OPN1LW: variants seen among roughly 807,000 people sequenced by gnomAD.
The protein encoded by OPN1LW is opsin 1, long wave sensitive, also known as long-wave-sensitive opsin 1.
Under a neutral mutation model 18.1 loss-of-function variants are expected in OPN1LW, and 4 were observed. The observed-to-expected ratio is 0.22, with a 90% CI of 0.11 to 0.51. The LOEUF (loss-of-function observed/expected upper bound fraction) is 0.51, where lower values mean the gene tolerates loss of function less well. Ranked by LOEUF, OPN1LW falls within the 20% of genes least tolerant of loss-of-function variation. OPN1LW has a pLI of 0.97. For missense variants in OPN1LW, 164 were observed against 234.9 expected, an observed-to-expected ratio of 0.70 and a Z score of 1.97; for synonymous variants, 86 against 101.2, an observed-to-expected ratio of 0.85 and a Z score of 0.90.
intron 1 of OPN1LW, 68 bp from the exon 2 acceptor site, chrX:154,150,588 A>T: frequency 8.9e-7 from 1 of 1,121,813 alleles, no homozygotes. Flanking sequence ...GAGAGGTGGG[A>T]TCAGCACTGG....
Position 154,150,942 on chromosome X carries a change from C to T in OPN1LW, c.399C>T (p.Val133=). The change falls in exon 2 of 6, where the codon GTC becomes GTT. Residue 133 remains valine (V), a synonymous_variant. Coordinates refer to ENST00000369951, the MANE Select transcript of OPN1LW (RefSeq NM_020061.6). ...HPMCVLEGYT[V]SLCGITGLWS... is the part of the protein sequence containing the mutation. ...TGTGTGTCCTGGAGGGCTACACCGT[C>T]TCCCTGTGTGGTAAGCCAGTCGGGG... 8.4e-7 allele frequency: 1 copy of T among 1,192,600 alleles called. No homozygotes were observed. The highest frequency in any genetic ancestry group is 1.1e-6 in the Non-Finnish European group (1 of 887,662).
intron 1 of OPN1LW, among the ~76,000 whole-genome samples, chrX:154,149,246 G>A (rs1475124669): frequency 7.9e-5 from 8 of 100,755 alleles, no homozygotes; most frequent in Non-Finnish European, 1.5e-4. Flanking sequence ...TAAATTACCA[G>A]GCTGTGCATG....
Position 154,150,803 on chromosome X carries a change from C to T in OPN1LW, c.260C>T (p.Pro87Leu), listed in dbSNP as rs1186876810. The T allele has an allele frequency of 3.3e-6, 4 of 1,199,405 alleles. No homozygotes were observed. The highest frequency in any genetic ancestry group is 3.4e-6 in the Non-Finnish European group (3 of 890,325). Residue 87 changes from proline to leucine, a missense_variant, in exon 2 of 6, where the codon CCG (proline) becomes CTG (leucine). This residue lies in a region of OPN1LW where 106 missense variants were observed against 167.7 expected (regional missense o/e 0.63). Transcript: ENST00000369951. ...ATGAAGTTCAAGAAGCTGCGCCACC[C>T]GCTGAACTGGATCCTGGTGAACCTG... ...ATMKFKKLRH[P>L]LNWILVNLAV...
At chrX:154,156,673 G>C (rs2067086794) in intron 5 of OPN1LW, 140 bp downstream of exon 5, 5 of 1,059,384 alleles carry the variant, frequency 4.7e-6, no homozygotes, top group Non-Finnish European at 6.5e-6. Context: ...GACCGGGAAA[G>C]GCTCAGCGTG....
rs2067053013 is a variant in OPN1LW at position 154,144,304 on chromosome X, C to G, written c.21C>G (p.Leu7=). The change falls in exon 1 of 6, where the codon CTC becomes CTG. Residue 7 remains leucine (L), a synonymous_variant. Transcript: ENST00000369951. ...TAGCCATGGCCCAGCAGTGGAGCCT[C>G]CAAAGGCTCGCAGGCCGCCATCCGC... MAQQWS[L]QRLAGRHPQD... 4 of 1,198,727 alleles carry G rather than the reference C, an allele frequency of 3.3e-6. No individual in the cohort carries two copies. Among genetic ancestry groups the G allele is most frequent in the Non-Finnish European group, 4.5e-6 (4 of 890,055 alleles).
intron 5 of OPN1LW, among the ~76,000 whole-genome samples, 159 bp downstream of exon 5, chrX:154,156,692 C>A (rs1175077492): frequency 1.9e-5 from 2 of 104,938 alleles, no homozygotes; most frequent in African/African-American, 7.3e-5. Context: ...TGTGACCCAG[C>A]CCCAGCCAGA....
rs1226772901 is a variant in OPN1LW at position 154,154,694 on chromosome X, T to C, written c.699T>C (p.Ala233=). 1 of 1,194,561 alleles carries C rather than the reference T, an allele frequency of 8.4e-7. No individual in the cohort carries two copies. The highest frequency in any genetic ancestry group is 1.8e-5 in the South Asian group (1 of 55,978). Residue 233 remains alanine (A), a synonymous_variant, in exon 4 of 6, where the codon GCT becomes GCC. Coordinates refer to ENST00000369951, the MANE Select transcript of OPN1LW (RefSeq NM_020061.6). ...TCACCTGCTGCATCATCCCACTCGC[T>C]ATCATCATGCTCTGCTACCTCCAAG... ...LMVTCCIIPL[A]IIMLCYLQVW...
rs1065439 is a variant in OPN1LW at position 154,156,437 on chromosome X, T to A, written c.888T>A (p.Gly296=). Residue 296 remains glycine, a synonymous_variant, in exon 5 of 6, where the codon GGT becomes GGA. Coordinates refer to ENST00000369951, the MANE Select transcript of OPN1LW (RefSeq NM_020061.6). ...FFACFAAANP[G]YAFHPLMAAL... is the part of the protein sequence containing the mutation. ...CATGCTTTGCTGCTGCCAACCCTGG[T>A]TACGCCTTCCACCCTTTGATGGCTG... 8.3e-7 allele frequency: 1 copy of A among 1,204,127 alleles called. No individual in the cohort carries two copies. The highest frequency in any genetic ancestry group is 1.1e-6 in the Non-Finnish European group (1 of 890,328).
chrX:154,149,204 C>CAA (rs1446582832), intron 1 of OPN1LW, among the ~76,000 whole-genome samples: 1 of 87,979 alleles, frequency 1.1e-5, no homozygotes, highest in African/African-American at 5.3e-5. Flanking sequence ...GACTCCGTCT[C>CAA]AAAAAAAAAG....
At chrX:154,145,810 T>G (rs1439611173) in intron 1 of OPN1LW, among the ~76,000 whole-genome samples, 3 of 86,020 alleles carry the variant, frequency 3.5e-5, no homozygotes, top group Non-Finnish European at 6.7e-5. Context: ...TGTAATGAAC[T>G]CCGGTACCCA....
chrX:154,156,413 A>C lies in OPN1LW; in HGVS notation c.864A>C (p.Ala288=). The change falls in exon 5 of 6, where the codon GCA becomes GCC. Residue 288 remains alanine, a synonymous_variant. Coordinates refer to ENST00000369951, the MANE Select transcript of OPN1LW (RefSeq NM_020061.6). ...CVCWGPYTFF[A]CFAAANPGYA... is the part of the protein sequence containing the mutation. ...GCTGGGGACCCTACACCTTCTTCGC[A>C]TGCTTTGCTGCTGCCAACCCTGGTT... 5 of 1,204,964 alleles carry C rather than the reference A, an allele frequency of 4.1e-6. No individual in the cohort carries two copies. The highest frequency in any genetic ancestry group is 5.6e-6 in the Non-Finnish European group (5 of 890,490).
chrX:154,156,604 C>A, intron 5 of OPN1LW, 71 bp downstream of exon 5: 1 of 1,134,517 alleles, frequency 8.8e-7, no homozygotes, highest in Non-Finnish European at 1.2e-6. Context: ...ATGGCCCCAC[C>A]TGGAATCATG....
intron 1 of OPN1LW, among the ~76,000 whole-genome samples, chrX:154,149,448 C>G (rs782373881): frequency 9.2e-5 from 9 of 97,925 alleles, no homozygotes; most frequent in Non-Finnish European, 1.8e-4. Context: ...AGGAGAATTG[C>G]TTGAACCCAG....
intron 1 of OPN1LW, among the ~76,000 whole-genome samples, chrX:154,148,411 G>A (rs1394622254): frequency 8.8e-5 from 9 of 102,793 alleles, no homozygotes; most frequent in African/African-American, 3.4e-4. Context: ...GACTACAGGC[G>A]CCCACCACCA....
rs142831615 is a variant in OPN1LW, at chrX:154,154,631, G to A, written c.636G>A (p.Ser212=). 3.8e-5 allele frequency: 45 copies of A among 1,184,712 alleles called. 1 individual carries two copies. Among genetic ancestry groups the A allele is most frequent in the Admixed American group, 9.2e-5 (4 of 43,317 alleles). ...SCGPDVFSGS[S]YPGVQSYMIV... is the part of the protein sequence containing the mutation. ...GCCCAGACGTGTTCAGCGGCAGCTCGTACCCCGGGGTGCAGTCTTACATGA... is the reference window on the plus strand; with the variant it reads ...GCCCAGACGTGTTCAGCGGCAGCTCATACCCCGGGGTGCAGTCTTACATGA... Residue 212 remains serine, a synonymous_variant, in exon 4 of 6, where the codon TCG becomes TCA. Transcript: ENST00000369951.
chrX:154,156,441 G>C lies in OPN1LW; in HGVS notation c.892G>C (p.Ala298Pro), dbSNP rs1065440. 1.7e-4 allele frequency: 210 copies of C among 1,202,751 alleles called. 2 individuals carry two copies. Among genetic ancestry groups the C allele is most frequent in the East Asian group, 5.9e-4 (20 of 33,616 alleles). ...CTTTGCTGCTGCCAACCCTGGTTAC[G>C]CCTTCCACCCTTTGATGGCTGCCCT... ...ACFAAANPGY[A>P]FHPLMAALPA... Residue 298 changes from alanine to proline, a missense_variant, in exon 5 of 6, where the codon GCC (alanine) becomes CCC (proline). Around this residue, in one of 3 missense-constraint regions of OPN1LW, gnomAD observed 53 missense variants for 50.2 expected, o/e 1.06. Coordinates refer to ENST00000369951, the MANE Select transcript of OPN1LW (RefSeq NM_020061.6).
intron 1 of OPN1LW, among the ~76,000 whole-genome samples, chrX:154,148,163 C>T (rs1163472571): frequency 2.9e-5 from 3 of 102,753 alleles, no homozygotes; most frequent in Non-Finnish European, 5.7e-5. Flanking sequence ...CCAGGAGGAT[C>T]GCTTGAGCCC....
At chrX:154,149,382 G>C (rs1409355817) in intron 1 of OPN1LW, among the ~76,000 whole-genome samples, 1 of 99,521 alleles carries the variant, frequency 1.0e-5, no homozygotes, top group Non-Finnish European at 1.9e-5. Context: ...ACAAAAATTA[G>C]CTGGGTGTGG....
rs1361043870 is a variant in OPN1LW at position 154,156,403 on chromosome X, C to G, written c.854C>G (p.Thr285Ser). 1 of 1,203,309 alleles carries G rather than the reference C, an allele frequency of 8.3e-7. No homozygotes were observed. Among genetic ancestry groups the G allele is most frequent in the East Asian group, 3.0e-5 (1 of 33,625 alleles). Residue 285 changes from threonine to serine, a missense_variant, in exon 5 of 6, where the codon ACC becomes AGC. Thr to Ser is a moderately conservative substitution (Grantham distance 58). Coordinates refer to ENST00000369951, the MANE Select transcript of OPN1LW (RefSeq NM_020061.6). ...FAYCVCWGPY[T>S]FFACFAAANP... ...TACTGCGTCTGCTGGGGACCCTACACCTTCTTCGCATGCTTTGCTGCTGCC... is the reference window on the plus strand; with the variant it reads ...TACTGCGTCTGCTGGGGACCCTACAGCTTCTTCGCATGCTTTGCTGCTGCC...
Sources: allele counts gnomAD v4.1 joint callset (sites outside exome capture counted in the v4.1 genomes callset), GRCh38; gene constraint gnomAD v4.1.1; regional missense constraint gnomAD v4.1.1; transcripts MANE v1.5; gene names NCBI Gene and HGNC (gene_info 2026-07-23, HGNC 2026-07-21).